NCALD: variants seen among roughly 807,000 people sequenced by gnomAD.
The protein encoded by NCALD is neurocalcin-delta.
Under a neutral mutation model 18.6 loss-of-function variants are expected in NCALD, and 10 were observed. The observed-to-expected ratio is 0.54, with a 90% CI of 0.33 to 0.91. NCALD has a LOEUF of 0.91. Ranked by LOEUF, NCALD falls within the 40% of genes least tolerant of loss-of-function variation. The pLI is 0.03. For synonymous variants in NCALD, 88 were observed against 87.4 expected, an observed-to-expected ratio of 1.01 and a Z score of -0.04; for missense variants, 184 against 247.6, an observed-to-expected ratio of 0.74 and a Z score of 1.72.
At chr8:101,850,897 G>T (rs767974562) in intron 4 of NCALD, among the ~76,000 whole-genome samples, 4 of 152,188 alleles carry the variant, frequency 2.6e-5, no homozygotes, top group Non-Finnish European at 4.4e-5. Context: ...CAGATTGACA[G>T]TTGTCCAGTT....
intron 3 of NCALD, among the ~76,000 whole-genome samples, chr8:101,893,117 G>T (rs1390766125): frequency 6.6e-6 from 1 of 151,626 alleles, no homozygotes; most frequent in African/African-American, 2.4e-5. Context: ...CAGAGAGAAA[G>T]GTCAGGTTAC....
At chr8:101,896,681 C>T (rs1317098956) in intron 3 of NCALD, among the ~76,000 whole-genome samples, 2 of 150,722 alleles carry the variant, frequency 1.3e-5, no homozygotes, top group Non-Finnish European at 2.9e-5. Flanking sequence ...GAAAAACAAA[C>T]AACCCCATCA....
chr8:102,065,010 C>CAAAAAAAAAAAA (rs34548051), intron 1 of NCALD, among the ~76,000 whole-genome samples: 5 of 87,560 alleles, frequency 5.7e-5, no homozygotes, highest in African/African-American at 1.4e-4. Flanking sequence ...CTCACTTTGG[C>CAAAAAAAAAAAA]AAAAAAAAAA....
intron 1 of NCALD, among the ~76,000 whole-genome samples, chr8:102,066,145 C>A (rs536591627): frequency 6.6e-6 from 1 of 152,328 alleles, no homozygotes; most frequent in South Asian, 2.1e-4. Flanking sequence ...GATGAAAAGG[C>A]AGGCAGGCAG....
chr8:101,858,365 C>G (rs1388674083), intron 4 of NCALD, among the ~76,000 whole-genome samples: 1 of 152,096 alleles, frequency 6.6e-6, no homozygotes, highest in Non-Finnish European at 1.5e-5. Context: ...CCAGATACCT[C>G]TGAAAATAAA....
chr8:102,116,670 T>C (rs140699004), intron 1 of NCALD, among the ~76,000 whole-genome samples: 4 of 152,040 alleles, frequency 2.6e-5, no homozygotes, highest in Non-Finnish European at 5.9e-5. Context: ...CTTATTTTTA[T>C]CTATTTATTT....
chr8:101,865,535 T>A (rs1815731796), intron 4 of NCALD, among the ~76,000 whole-genome samples: 1 of 152,128 alleles, frequency 6.6e-6, no homozygotes. Flanking sequence ...ATGGTCCCAG[T>A]CTGTGCTTTA....
intron 1 of NCALD, among the ~76,000 whole-genome samples, chr8:102,054,712 AGATAGAT>A (rs1823582362): frequency 8.7e-6 from 1 of 114,774 alleles, no homozygotes; most frequent in South Asian, 3.6e-4. Flanking sequence ...ATAGATAGAT[AGATAGAT>A]ATCCTATAGA....
At chr8:101,928,535 C>T (rs1157130882) in intron 2 of NCALD, among the ~76,000 whole-genome samples, 1 of 152,064 alleles carries the variant, frequency 6.6e-6, no homozygotes, top group Non-Finnish European at 1.5e-5. Context: ...ATGATGCTGC[C>T]CTCAGGTACT....
At chr8:102,058,746 G>C (rs978709402) in intron 1 of NCALD, among the ~76,000 whole-genome samples, 2 of 152,160 alleles carry the variant, frequency 1.3e-5, no homozygotes, top group African/African-American at 4.8e-5. Flanking sequence ...AGAACATTGT[G>C]AGTATATTTC....
intron 2 of NCALD, among the ~76,000 whole-genome samples, chr8:101,950,001 C>T (rs567334363): frequency 9.2e-4 from 140 of 152,250 alleles, no homozygotes; most frequent in African/African-American, 3.0e-3. Flanking sequence ...CTGAGCAGCA[C>T]GTAATTAAAG....
chr8:101,727,300 C>T (rs749892941), intron 1 of NCALD, among the ~76,000 whole-genome samples: 4 of 152,138 alleles, frequency 2.6e-5, no homozygotes, highest in African/African-American at 4.8e-5. Flanking sequence ...CACTTCTTGC[C>T]GTTTCCATTG....
chr8:102,040,315 AAC>A (rs58090666), intron 1 of NCALD, among the ~76,000 whole-genome samples: 2,147 of 152,168 alleles, frequency 0.014, 53 homozygotes, highest in African/African-American at 0.049. Context: ...CTCTACTAAA[AAC>A]ACAAAAAATA....
chr8:101,690,619 A>G, intron 3 of NCALD: 1 of 984,580 alleles, frequency 1.0e-6, no homozygotes, highest in Non-Finnish European at 1.2e-6. Context: ...CTCAGCCACA[A>G]CTCCCTCCCC....
At chr8:101,939,873 T>G (rs928539663) in intron 2 of NCALD, among the ~76,000 whole-genome samples, 7 of 152,190 alleles carry the variant, frequency 4.6e-5, no homozygotes, top group African/African-American at 1.4e-4. Context: ...AGAAGTTAAA[T>G]AATAGTCTTA....
intron 2 of NCALD, among the ~76,000 whole-genome samples, chr8:102,018,778 G>T (rs1242995926): frequency 6.6e-6 from 1 of 152,070 alleles, no homozygotes; most frequent in African/African-American, 2.4e-5. Context: ...ATAGTGCTAT[G>T]GCAAAAGAAT....
intron 2 of NCALD, among the ~76,000 whole-genome samples, chr8:101,978,264 T>A (rs560275133): frequency 6.6e-6 from 1 of 152,324 alleles, no homozygotes; most frequent in Admixed American, 6.5e-5. Flanking sequence ...ATCCTTTAGT[T>A]AAGCAAATGG....
At chr8:102,057,406 C>T (rs1171968776) in intron 1 of NCALD, among the ~76,000 whole-genome samples, 4 of 152,268 alleles carry the variant, frequency 2.6e-5, no homozygotes, top group African/African-American at 9.6e-5. Context: ...CAACTTACGA[C>T]CTCAACATCT....
chr8:101,733,479 G>C (rs1418281101), intron 1 of NCALD, among the ~76,000 whole-genome samples: 1 of 152,140 alleles, frequency 6.6e-6, no homozygotes, highest in African/African-American at 2.4e-5. Flanking sequence ...TGTTTTGGAG[G>C]ACCAAGTGAG....
Sources: gnomAD v4.1 joint callset for allele counts (sites outside exome capture counted in the v4.1 genomes callset) on GRCh38, gnomAD v4.1.1 for gene constraint, MANE v1.5 for transcripts, NCBI Gene and HGNC (gene_info 2026-07-23, HGNC 2026-07-21) for gene names.